Variants in DNAJC6 observed in about 807,000 individuals in gnomAD.
DNAJC6 encodes the protein DnaJ heat shock protein family (Hsp40) member C6, also known as auxilin.
Under a neutral mutation model 110.0 loss-of-function variants are expected in DNAJC6, and 34 were observed. The observed-to-expected ratio is 0.31, with a 90% CI of 0.24 to 0.41. The LOEUF (loss-of-function observed/expected upper bound fraction) is 0.41. DNAJC6 is among the 10% of genes least tolerant of loss of function. The probability of loss-of-function intolerance (pLI) is 1.00; values close to 1 mark genes in which losing one functional copy is unlikely to be tolerated. For missense variants in DNAJC6, 1,031 were observed against 1,207.8 expected, an observed-to-expected ratio of 0.85 and a Z score of 2.17; for synonymous variants, 406 against 437.2, an observed-to-expected ratio of 0.93 and a Z score of 0.89.
upstream of DNAJC6, among the ~76,000 whole-genome samples, chr1:65,309,336 C>T (rs1484639746): frequency 1.3e-5 from 2 of 151,478 alleles, no homozygotes; most frequent in Admixed American, 1.3e-4. Context: ...TCCCTCCCCG[C>T]GGGCCAGCGG....
chr1:65,346,844 C>T (rs1645441314), intron 1 of DNAJC6, among the ~76,000 whole-genome samples: 1 of 152,030 alleles, frequency 6.6e-6, no homozygotes, highest in South Asian at 2.1e-4. Flanking sequence ...TCCATCCAAA[C>T]TGCAATTCAG....
intron 1 of DNAJC6, among the ~76,000 whole-genome samples, chr1:65,297,140 A>C (rs565624912): frequency 3.3e-5 from 5 of 152,148 alleles, no homozygotes; most frequent in Non-Finnish European, 7.3e-5. Flanking sequence ...TAGGGATCTG[A>C]AGGGCAGGCT....
chr1:65,338,645 A>G (rs1039480652), intron 1 of DNAJC6, among the ~76,000 whole-genome samples: 7 of 152,118 alleles, frequency 4.6e-5, no homozygotes, highest in Non-Finnish European at 1.0e-4. Flanking sequence ...TCCCTCCCTC[A>G]CAGGTAACTC....
chr1:65,295,709 A>G (rs1644922299), intron 1 of DNAJC6, among the ~76,000 whole-genome samples: 3 of 152,328 alleles, frequency 2.0e-5, no homozygotes, highest in Middle Eastern at 3.4e-3. Flanking sequence ...GGGTCTGTCC[A>G]TCTCCAAAGC....
At position 65,414,255 on chromosome 1, in the gene DNAJC6, G is replaced by A. The variant is rs190914954; in HGVS notation, c.*1230G>A. On this transcript the variant is annotated 3_prime_UTR_variant, in exon 19 of 19. Coordinates refer to ENST00000371069, the MANE Select transcript of DNAJC6 (RefSeq NM_001256864.2). ...GCAAAGCAAGAATGAATGCTTTCCC[G>A]ATCTCAGACTGGCTGGATTCAGATC... The A allele has an allele frequency of 4.6e-5, 7 of 152,502 alleles. No individual in the cohort carries two copies. The highest frequency in any genetic ancestry group is 1.9e-4 in the East Asian group (1 of 5,188). The allele number at this position is 152,502 out of a possible 1,614,324, so 9.4% of individuals were successfully genotyped here. A position where few individuals can be genotyped will look rare whatever the true frequency, so the allele number is the denominator to read the frequency against.
chr1:65,384,047 T>C (rs969374586), intron 5 of DNAJC6, 146 bp from the exon 6 acceptor site: 3 of 1,082,564 alleles, frequency 2.8e-6, no homozygotes, highest in Non-Finnish European at 3.6e-6. Flanking sequence ...ATTTTGGTTT[T>C]CAAGTGAATA....
At position 65,309,678 on chromosome 1, in the gene DNAJC6, C is replaced by G. The variant is rs564672952; in HGVS notation, c.-68C>G. On this transcript the variant is annotated 5_prime_UTR_variant, in exon 1 of 19. Transcript: ENST00000371069. ...TTTTTTTTTTAATTCCTTCTTCAGC[C>G]CTTTCCACCTTCCATCTCCCTTTTC... 6.6e-7 allele frequency: 1 copy of G among 1,525,058 alleles called. No homozygotes were observed. The highest frequency in any genetic ancestry group is 8.8e-7 in the Non-Finnish European group (1 of 1,137,162). 94.5% of individuals were successfully genotyped at this position (1,525,058 alleles called of 1,614,324 possible).
At chr1:65,393,423 C>T (rs575946514) in intron 12 of DNAJC6, among the ~76,000 whole-genome samples, 17 of 152,268 alleles carry the variant, frequency 1.1e-4, no homozygotes, top group Admixed American at 2.0e-4. Flanking sequence ...TTTCCTATAA[C>T]GGCTTCCTGA....
At chr1:65,397,331 TA>T (rs976333035) in intron 13 of DNAJC6, among the ~76,000 whole-genome samples, 1 of 151,654 alleles carries the variant, frequency 6.6e-6, no homozygotes. Flanking sequence ...CTCATGAAAA[TA>T]AAAAAAATAC....
intron 17 of DNAJC6, among the ~76,000 whole-genome samples, chr1:65,409,451 A>C (rs985912862): frequency 6.6e-6 from 1 of 152,218 alleles, no homozygotes; most frequent in African/African-American, 2.4e-5. Context: ...TCAAATGAGC[A>C]GTGGCACTTT....
upstream of DNAJC6, among the ~76,000 whole-genome samples, chr1:65,304,692 A>AGATGTG (rs1645020875): frequency 6.6e-6 from 1 of 152,178 alleles, no homozygotes; most frequent in African/African-American, 2.4e-5. Flanking sequence ...TGTGGCCTAA[A>AGATGTG]GATGTGTCTT....
intron 1 of DNAJC6, among the ~76,000 whole-genome samples, chr1:65,326,488 G>C (rs1645242908): frequency 6.6e-6 from 1 of 152,156 alleles, no homozygotes; most frequent in Non-Finnish European, 1.5e-5. Flanking sequence ...GGAGGAAAAA[G>C]CATTGTAGTC....
At chr1:65,368,217 C>T (rs1423445423) in intron 4 of DNAJC6, among the ~76,000 whole-genome samples, 3 of 152,192 alleles carry the variant, frequency 2.0e-5, no homozygotes, top group South Asian at 2.1e-4. Flanking sequence ...GACAGCTGGA[C>T]CTTAGAGCAG....
chr1:65,299,575 T>C (rs530663238), intron 1 of DNAJC6, among the ~76,000 whole-genome samples: 2 of 152,326 alleles, frequency 1.3e-5, no homozygotes, highest in Admixed American at 6.5e-5. Flanking sequence ...TAGCATTCAT[T>C]GAACCCTCAC....
At chr1:65,401,171 C>G (rs1646027171) in intron 14 of DNAJC6, among the ~76,000 whole-genome samples, 1 of 151,986 alleles carries the variant, frequency 6.6e-6, no homozygotes, top group Non-Finnish European at 1.5e-5. Flanking sequence ...AGTTTTGGGT[C>G]TTACATTTAA....
intron 1 of DNAJC6, among the ~76,000 whole-genome samples, chr1:65,332,177 C>T (rs941452305): frequency 1.3e-5 from 2 of 152,032 alleles, no homozygotes; most frequent in Non-Finnish European, 1.5e-5. Flanking sequence ...AGATGGATTA[C>T]GAATACAAAT....
intron 1 of DNAJC6, among the ~76,000 whole-genome samples, chr1:65,319,204 T>A (rs1429853342): frequency 6.6e-6 from 1 of 152,234 alleles, no homozygotes; most frequent in Non-Finnish European, 1.5e-5. Context: ...TGTGATCAAC[T>A]GTTTTTCTCT....
intron 1 of DNAJC6, among the ~76,000 whole-genome samples, chr1:65,343,569 G>A (rs1645409161): frequency 6.6e-6 from 1 of 152,114 alleles, no homozygotes; most frequent in African/African-American, 2.4e-5. Flanking sequence ...TAGTAGTTGT[G>A]TAAGTGATGA....
Position 65,291,114 on chromosome 1 carries a change from C to T in DNAJC6, c.-131+26182C>T, listed in dbSNP as rs376940094. Among the ~76,000 whole-genome samples, 13 of 152,310 alleles carry T rather than the reference C, an allele frequency of 8.5e-5. No individual in the cohort carries two copies. In the East Asian group the frequency reaches 9.6e-4, roughly 11 times the overall value. On this transcript the variant is annotated intron_variant, in intron 1 of 19. Coordinates refer to the DNAJC6 transcript ENST00000263441. ...AGGGCACTATCTTGGCTCACTGCAA[C>T]GACCGCCTCCTGGGTTCAAGTGATT...
Sources: gnomAD v4.1 joint callset for allele counts (sites outside exome capture counted in the v4.1 genomes callset) on GRCh38, gnomAD v4.1.1 for gene constraint, MANE v1.5 for transcripts, NCBI Gene and HGNC (gene_info 2026-07-23, HGNC 2026-07-21) for gene names.